TOP6BL: variants seen among roughly 807,000 people sequenced by gnomAD.
The protein encoded by TOP6BL is TOP6B like initiator of meiotic double strand breaks.
At chr11:66,818,198 G>A in the TOP6BL span, among the ~76,000 whole-genome samples, 1 of 152,148 alleles carries the variant, frequency 6.6e-6, no homozygotes, top group African/African-American at 2.4e-5. Flanking sequence ...AGCTCATGTT[G>A]ACTGGTGTCA....
chr11:66,792,672 A>G, the TOP6BL span, among the ~76,000 whole-genome samples: 3 of 152,336 alleles, frequency 2.0e-5, no homozygotes, highest in South Asian at 6.2e-4. Flanking sequence ...ATCCTCTTCT[A>G]TAAAATGGAG....
At chr11:66,764,265 C>A in the TOP6BL span, among the ~76,000 whole-genome samples, 1 of 152,028 alleles carries the variant, frequency 6.6e-6, no homozygotes, top group African/African-American at 2.4e-5. Context: ...TTTCCTTGTT[C>A]ATTTTTGAAT....
chr11:66,760,107 C>A, the TOP6BL span, among the ~76,000 whole-genome samples: 1 of 152,124 alleles, frequency 6.6e-6, no homozygotes, highest in Non-Finnish European at 1.5e-5. Context: ...CAGACTAAAT[C>A]TGGAATATTA....
the TOP6BL span, chr11:66,821,893 G>T: frequency 7.5e-4 from 854 of 1,142,326 alleles, 13 homozygotes; most frequent in South Asian, 0.012. Flanking sequence ...TCACCTGGGT[G>T]ATCTTGTAAC....
the TOP6BL span, among the ~76,000 whole-genome samples, chr11:66,796,677 G>A: frequency 5.9e-5 from 9 of 151,954 alleles, no homozygotes; most frequent in South Asian, 1.9e-3. Context: ...CAGTTCCTCA[G>A]GAGGGTGAGG....
chr11:66,835,026 G>A, the TOP6BL span, among the ~76,000 whole-genome samples: 2 of 151,048 alleles, frequency 1.3e-5, no homozygotes, highest in Admixed American at 6.6e-5. Context: ...TGTTTCCGGC[G>A]GGTCGGGGGA....
chr11:66,747,389 A>ATTTAATTTTTTTTTTTT, the TOP6BL span, among the ~76,000 whole-genome samples: 1 of 150,748 alleles, frequency 6.6e-6, no homozygotes, highest in African/African-American at 2.4e-5. Flanking sequence ...ACATATTTTT[A>ATTTAATTTTTTTTTTTT]TTTAATTTTT....
chr11:66,781,231 T>C, the TOP6BL span, among the ~76,000 whole-genome samples: 2 of 152,244 alleles, frequency 1.3e-5, no homozygotes, highest in African/African-American at 2.4e-5. Context: ...CTAAGACTAT[T>C]CATTTTTCTT....
At chr11:66,783,918 T>C in the TOP6BL span, among the ~76,000 whole-genome samples, 2 of 152,198 alleles carry the variant, frequency 1.3e-5, no homozygotes, top group Non-Finnish European at 2.9e-5. Context: ...CTCTACCTCC[T>C]GGCCTGAGGT....
chr11:66,835,946 TCTAA>T, the TOP6BL span, among the ~76,000 whole-genome samples: 1 of 152,188 alleles, frequency 6.6e-6, no homozygotes. Flanking sequence ...AACACTATGT[TCTAA>T]CTTTTTAAAG....
chr11:66,762,421 G>A, the TOP6BL span: 1 of 324,780 alleles, frequency 3.1e-6, no homozygotes, highest in Non-Finnish European at 5.7e-6. Flanking sequence ...CTGCGAACAT[G>A]TGCGGATGCA....
the TOP6BL span, chr11:66,843,411 C>G: frequency 5.7e-6 from 8 of 1,402,030 alleles, no homozygotes; most frequent in Admixed American, 1.7e-4. Context: ...TCACCCACAC[C>G]TCCCTGGGAC....
the TOP6BL span, among the ~76,000 whole-genome samples, chr11:66,830,799 G>A: frequency 2.0e-4 from 31 of 152,190 alleles, no homozygotes; most frequent in African/African-American, 5.8e-4. Flanking sequence ...TGAAAGATAC[G>A]AAGCCCACTC....
chr11:66,762,321 C>T, the TOP6BL span: 4 of 405,558 alleles, frequency 9.9e-6, no homozygotes, highest in Non-Finnish European at 1.8e-5. Context: ...GCCGGAAAGG[C>T]GGGGCGGGCC....
the TOP6BL span, chr11:66,838,273 T>A: frequency 9.6e-7 from 1 of 1,037,670 alleles, no homozygotes; most frequent in Non-Finnish European, 1.5e-6. Flanking sequence ...CAGATAACCT[T>A]GTGAGGTCAG....
At chr11:66,829,293 C>T in the TOP6BL span, among the ~76,000 whole-genome samples, 1 of 149,010 alleles carries the variant, frequency 6.7e-6, no homozygotes, top group African/African-American at 2.5e-5. Context: ...GGTTGAGATA[C>T]AGGCCGCGTG....
chr11:66,768,655 ATTTTTGT>A, the TOP6BL span, among the ~76,000 whole-genome samples: 6 of 143,582 alleles, frequency 4.2e-5, no homozygotes, highest in East Asian at 4.2e-4. Flanking sequence ...GCTAAAACAG[ATTTTTGT>A]TTTTTGTTTT....
the TOP6BL span, chr11:66,815,928 TG>T: frequency 1.1e-6 from 1 of 905,358 alleles, no homozygotes; most frequent in Non-Finnish European, 1.6e-6. Context: ...GGAGGGTAAA[TG>T]GGTGTTCAGA....
chr11:66,822,756 C>T, the TOP6BL span: 1 of 978,278 alleles, frequency 1.0e-6, no homozygotes, highest in Non-Finnish European at 1.6e-6. Flanking sequence ...ATAATCGCAG[C>T]ACTTTGGGAG....
Sources: allele counts gnomAD v4.1 joint callset (sites outside exome capture counted in the v4.1 genomes callset), GRCh38; gene constraint gnomAD v4.1.1; transcripts MANE v1.5; gene names NCBI Gene and HGNC (gene_info 2026-07-23, HGNC 2026-07-21).